Variants in GREB1 observed in about 807,000 individuals in gnomAD.
GREB1 encodes the protein protein GREB1.
GREB1 carries 106 observed loss-of-function variants against 200.7 expected under a neutral mutation model. The ratio of observed to expected loss-of-function variants is 0.53; its 90% confidence interval spans 0.45 to 0.62. The LOEUF (loss-of-function observed/expected upper bound fraction) is 0.62. GREB1 is among the 20% of genes least tolerant of loss of function. The pLI, the probability that GREB1 is intolerant of heterozygous loss-of-function variation, is 0.00. For synonymous variants in GREB1, 1,132 were observed against 1,092.4 expected (o/e 1.04, Z -0.72); for missense variants, 2,243 against 2,556.8 (o/e 0.88, Z 2.65).
intron 1 of GREB1, among the ~76,000 whole-genome samples, chr2:11,519,209 T>C (rs1673620075): frequency 6.6e-6 from 1 of 152,084 alleles, no homozygotes; most frequent in African/African-American, 2.4e-5. Flanking sequence ...TCTCTTTTAA[T>C]CAGACTAGTA....
rs544100537 is a variant in GREB1 at position 11,610,576 on chromosome 2, C to T, written c.2667-112C>T. 341 of 757,176 alleles carry T rather than the reference C, an allele frequency of 4.5e-4. 2 individuals carry two copies. The Middle Eastern group carries it at 6.5e-3, about 14-fold the overall frequency. 46.9% of individuals were successfully genotyped at this position (757,176 alleles called of 1,614,324 possible). On this transcript the variant is annotated intron_variant, in intron 17 of 32. Coordinates refer to ENST00000381486, the MANE Select transcript of GREB1 (RefSeq NM_014668.4). Reference sequence around the variant, plus strand: ...CCACCTTCCAGAGGCAACACAACTGCGTATAATGCCGGAGTTGCCTGTGGT... The same window carrying T: ...CCACCTTCCAGAGGCAACACAACTGTGTATAATGCCGGAGTTGCCTGTGGT...
chr2:11,615,973 G>C (rs1256710339), intron 20 of GREB1, among the ~76,000 whole-genome samples: 1 of 152,228 alleles, frequency 6.6e-6, no homozygotes, highest in Non-Finnish European at 1.5e-5. Flanking sequence ...GCCTCAGCTT[G>C]CTCGTCTGTA....
At chr2:11,565,976 C>T (rs895317368) in intron 3 of GREB1, among the ~76,000 whole-genome samples, 1 of 151,512 alleles carries the variant, frequency 6.6e-6, no homozygotes, top group African/African-American at 2.4e-5. Context: ...ATGGTGGCAC[C>T]GATACACAAA....
At chr2:11,584,212 A>G (rs1679822938) in intron 7 of GREB1, among the ~76,000 whole-genome samples, 1 of 152,194 alleles carries the variant, frequency 6.6e-6, no homozygotes. Flanking sequence ...GAATCTCTGC[A>G]TGTAGGGGAA....
At chr2:11,529,433 T>C (rs1045192179), upstream of GREB1, among the ~76,000 whole-genome samples, 12 of 152,150 alleles carry the variant, frequency 7.9e-5, no homozygotes, top group African/African-American at 2.9e-4. Context: ...CTGCCAAAAA[T>C]TCAAAAGTCT....
chr2:11,566,507 GC>G lies in GREB1; in HGVS notation c.307del (p.Val104SerfsTer72). On this transcript the variant is annotated frameshift_variant, in exon 4 of 33. Coordinates refer to ENST00000381486, the MANE Select transcript of GREB1 (RefSeq NM_014668.4). LOFTEE classifies it high-confidence loss of function. ...DGFCQAGKDL[R>X]LVSISNEPMD... ...TTTTGCCAGGCCGGGAAGGACCTGC[GC>G]CTTGTCTCCATTTCCAACGAGCCCA... 6.2e-7 allele frequency: 1 copy of G among 1,613,098 alleles called. No individual in the cohort carries two copies. Among genetic ancestry groups the G allele is most frequent in the Non-Finnish European group, 8.5e-7 (1 of 1,179,530 alleles).
At chr2:11,497,080 A>G (rs955013122) in intron 1 of GREB1, among the ~76,000 whole-genome samples, 1 of 152,180 alleles carries the variant, frequency 6.6e-6, no homozygotes, top group African/African-American at 2.4e-5. Context: ...TACAGATGTG[A>G]GCCACCACGC....
intron 4 of GREB1, among the ~76,000 whole-genome samples, chr2:11,573,629 G>A (rs998799831): frequency 6.6e-6 from 1 of 152,166 alleles, no homozygotes; most frequent in Non-Finnish European, 1.5e-5. Flanking sequence ...TGGCCTCTGT[G>A]GCTATCTCTC....
intron 9 of GREB1, 113 bp downstream of exon 9, chr2:11,586,018 A>G (rs1680047641): frequency 1.8e-6 from 2 of 1,116,520 alleles, no homozygotes; most frequent in Admixed American, 1.9e-5. Flanking sequence ...TCCTCCTGAG[A>G]CAAACCTAAA....
intron 25 of GREB1, among the ~76,000 whole-genome samples, chr2:11,627,635 A>G (rs1003233185): frequency 9.2e-5 from 14 of 152,212 alleles, no homozygotes; most frequent in African/African-American, 3.4e-4. Flanking sequence ...TTTATATATC[A>G]GTCTCTCCCA....
rs954654088 is a variant in GREB1, at chr2:11,602,668, A to G, written c.2666+126A>G. 10 of 749,112 alleles carry G rather than the reference A, an allele frequency of 1.3e-5. No homozygotes were observed. In the African/African-American group the frequency reaches 1.7e-4, roughly 13 times the overall value. 46.4% of individuals were successfully genotyped at this position (749,112 alleles called of 1,614,324 possible). On this transcript the variant is annotated intron_variant, in intron 17 of 32. Coordinates refer to ENST00000381486, the MANE Select transcript of GREB1 (RefSeq NM_014668.4). ...CCTTCCTGAGCAACTCAGTTTCTCC[A>G]CTAAATGTACCCTGGTTTTTTCCTT...
chr2:11,538,019 G>A (rs751957904), intron 1 of GREB1, among the ~76,000 whole-genome samples: 12 of 152,170 alleles, frequency 7.9e-5, no homozygotes, highest in South Asian at 4.1e-4. Flanking sequence ...GTTTCCCACC[G>A]TCACACACGG....
Position 11,629,371 on chromosome 2 carries a change from C to A in GREB1, c.4450-577C>A, listed in dbSNP as rs560743886. Among the ~76,000 whole-genome samples, 5 of 152,226 alleles carry A rather than the reference C, an allele frequency of 3.3e-5. No homozygotes were observed. The East Asian group carries it at 9.7e-4, about 29-fold the overall frequency. On this transcript the variant is annotated intron_variant, in intron 25 of 32. Transcript: ENST00000381486. The surrounding 1 kb of genome is among the most constrained non-coding windows in gnomAD (Gnocchi z 5.2). ...TGGAGGAGGTGACTAAGGGCGCAGC[C>A]AGACTTGGTGACTTGGTGACAGAGC... is the stretch of plus-strand genomic sequence containing the variant.
intron 7 of GREB1, among the ~76,000 whole-genome samples, chr2:11,583,465 T>C (rs773068316): frequency 3.3e-5 from 5 of 151,982 alleles, no homozygotes; most frequent in Non-Finnish European, 7.3e-5. Context: ...TGCTTTTAAC[T>C]TTTTGTTTAC....
chr2:11,600,790 C>T lies in GREB1; in HGVS notation c.2334-10C>T, dbSNP rs751427972. 3.7e-6 allele frequency: 6 copies of T among 1,605,836 alleles called. No individual in the cohort carries two copies. In the East Asian group the frequency reaches 1.3e-4, roughly 36 times the overall value. ...AGTAATTCCACTGATTGTGTCTTCT[C>T]CTCCCTCAGTAGCACTGTTCATAAC... On this transcript the variant is annotated splice_polypyrimidine_tract_variant and intron_variant, in intron 15 of 32. Transcript: ENST00000381486.
intron 1 of GREB1, among the ~76,000 whole-genome samples, chr2:11,483,764 G>A (rs1305093902): frequency 6.6e-6 from 1 of 151,770 alleles, no homozygotes; most frequent in Non-Finnish European, 1.5e-5. Flanking sequence ...GGCAGCTGGA[G>A]ACTGGGAGAG....
rs764215309 is a variant in GREB1, at chr2:11,640,403, C to T, written c.5799C>T (p.Ala1933=). ...QFRLRDEFQT[A]NAREDRPLFF... ...GGCTGCGCGATGAGTTCCAGACCGC[C>T]AATGCCAGGGAAGACCGGCCGCTCT... The change falls in exon 33 of 33, where the codon GCC becomes GCT. Residue 1933 remains alanine, a synonymous_variant. Transcript: ENST00000381486. This position sits in a 1 kb window ranked among gnomAD's most constrained non-coding sequence, Gnocchi z 4.6. 3 of 1,614,116 alleles carry T rather than the reference C, an allele frequency of 1.9e-6. No homozygotes were observed. The highest frequency in any genetic ancestry group is 1.7e-6 in the Non-Finnish European group (2 of 1,180,050).
In GREB1 at chr2:11,630,086, C is replaced by T. The variant is rs1395296430; in HGVS notation, c.4588C>T (p.Arg1530Ter). Residue 1530 changes from arginine (R) to a stop codon, truncating the protein, a stop_gained, in exon 26 of 33, where the codon CGA becomes TGA. Coordinates refer to ENST00000381486, the MANE Select transcript of GREB1 (RefSeq NM_014668.4). LOFTEE classifies it high-confidence loss of function. Reference sequence around the variant, plus strand: ...ACCTGGAGGCCAGCTGGAGAGCATGCGACTACCCCTCGTGACAGACAAGGT... The same window carrying T: ...ACCTGGAGGCCAGCTGGAGAGCATGTGACTACCCCTCGTGACAGACAAGGT... ...SQPGGQLESMRLPLVTDKSHE... is the reference protein window; with the variant it reads ...SQPGGQLESM 2 of 1,614,152 alleles carry T rather than the reference C, an allele frequency of 1.2e-6. No homozygotes were observed. The highest frequency in any genetic ancestry group is 8.5e-7 in the Non-Finnish European group (1 of 1,180,014).
chr2:11,584,547 A>G (rs537414520), intron 7 of GREB1, among the ~76,000 whole-genome samples: 8 of 152,332 alleles, frequency 5.3e-5, no homozygotes, highest in African/African-American at 1.4e-4. Context: ...GTCGATAACA[A>G]TAATGATGGT....
Sources: allele counts gnomAD v4.1 joint callset (sites outside exome capture counted in the v4.1 genomes callset), GRCh38; gene constraint gnomAD v4.1.1; non-coding constraint Gnocchi (gnomAD v3.1); transcripts MANE v1.5; gene names NCBI Gene and HGNC (gene_info 2026-07-23, HGNC 2026-07-21).